ZNF79: variants seen among roughly 807,000 people sequenced by gnomAD.
ZNF79 encodes the protein ZNFpT7.
In ZNF79, 13 loss-of-function variants were observed where a neutral mutation model predicts 14.9. The ratio of observed to expected loss-of-function variants is 0.87; its 90% CI spans 0.57 to 1.38. The LOEUF is 1.38. Among genes scored for constraint, ZNF79 ranks in the 40% most tolerant of loss-of-function variants. ZNF79 has a pLI of 0.00. For synonymous variants in ZNF79, 223 were observed against 235.1 expected (o/e 0.95, Z 0.47); for missense variants, 631 against 630.6 (o/e 1.00, Z -0.01).
intron 2 of ZNF79, among the ~76,000 whole-genome samples, chr9:127,430,820 G>T (rs1042440313): frequency 3.3e-5 from 5 of 152,200 alleles, no homozygotes; most frequent in African/African-American, 1.2e-4. Context: ...TCGAATGGTA[G>T]CTCTGTTTTA....
chr9:127,445,065 C>G lies in ZNF79; in HGVS notation c.1365C>G (p.Asn455Lys). 1 of 1,613,716 alleles carries G rather than the reference C, an allele frequency of 6.2e-7. No homozygotes were observed. The highest frequency in any genetic ancestry group is 8.5e-7 in the Non-Finnish European group (1 of 1,179,926). ...GTAATGAGTGTGGTAAAGCGTTTAACCAGAGCTCATCCCTTAGTCAGCATC... is the reference window on the plus strand; with the variant it reads ...GTAATGAGTGTGGTAAAGCGTTTAAGCAGAGCTCATCCCTTAGTCAGCATC... ...YECNECGKAFNQSSSLSQHQR... is the reference protein window; with the variant it reads ...YECNECGKAFKQSSSLSQHQR... The change falls in exon 5 of 5, where the codon AAC becomes AAG. Residue 455 changes from asparagine to lysine, a missense_variant. Transcript: ENST00000342483.
Position 127,445,075 on chromosome 9 carries a change from T to C in ZNF79, c.1375T>C (p.Ser459Pro). ...ECGKAFNQSS[S>P]LSQHQRIHTG... ...TGGTAAAGCGTTTAACCAGAGCTCA[T>C]CCCTTAGTCAGCATCAGAGAATCCA... The change falls in exon 5 of 5, where the codon TCC becomes CCC. Residue 459 changes from serine (S) to proline (P), a missense_variant. Coordinates refer to ENST00000342483, the MANE Select transcript of ZNF79 (RefSeq NM_007135.3). 6.2e-7 allele frequency: 1 copy of C among 1,607,984 alleles called. No individual in the cohort carries two copies. The highest frequency in any genetic ancestry group is 8.5e-7 in the Non-Finnish European group (1 of 1,178,102).
rs1564238699 is a variant in ZNF79 at position 127,444,128 on chromosome 9, G to C, written c.428G>C (p.Gly143Ala). ...VEMPPGDSDH[G>A]TSDLEKSFNL... is the part of the protein sequence containing the mutation. ...ATGCCCCCTGGGGATTCAGACCACG[G>C]GACCAGTGACCTTGAGAAGAGCTTC... is the stretch of plus-strand genomic sequence containing the variant. Residue 143 changes from glycine to alanine, a missense_variant, in exon 5 of 5, where the codon GGG (glycine) becomes GCG (alanine). By Grantham distance (60) the Gly-to-Ala change is moderately conservative. Coordinates refer to ENST00000342483, the MANE Select transcript of ZNF79 (RefSeq NM_007135.3). 6.2e-7 allele frequency: 1 copy of C among 1,613,232 alleles called. No homozygotes were observed.
chr9:127,433,247 C>A (rs552300150), intron 2 of ZNF79, among the ~76,000 whole-genome samples: 31 of 152,000 alleles, frequency 2.0e-4, no homozygotes, highest in Non-Finnish European at 4.3e-4. Flanking sequence ...TGGAAATAAT[C>A]GGGTGAATGA....
intron 3 of ZNF79, 146 bp from the exon 4 acceptor site, chr9:127,435,762 G>C (rs1192727988): frequency 5.8e-6 from 4 of 688,780 alleles, no homozygotes; most frequent in Middle Eastern, 3.8e-4. Flanking sequence ...ATAGCCCCTG[G>C]TGTAGGCACT....
intron 4 of ZNF79, among the ~76,000 whole-genome samples, chr9:127,442,794 C>T (rs879331926): frequency 4.0e-5 from 6 of 151,054 alleles, no homozygotes; most frequent in African/African-American, 1.2e-4. Flanking sequence ...CCCAGGAGGT[C>T]GAGGCTGCAG....
intron 4 of ZNF79, among the ~76,000 whole-genome samples, chr9:127,439,868 C>CT (rs981580685): frequency 1.3e-5 from 2 of 151,596 alleles, no homozygotes; most frequent in African/African-American, 2.4e-5. Context: ...AACTAATCTA[C>CT]TTTTTTTTTC....
intron 4 of ZNF79, among the ~76,000 whole-genome samples, chr9:127,442,401 CAA>C (rs1176359188): frequency 1.5e-4 from 13 of 86,972 alleles, no homozygotes; most frequent in East Asian, 2.9e-4. Context: ...AACTCCATCT[CAA>C]AAAAAAAAAA....
intron 2 of ZNF79, among the ~76,000 whole-genome samples, chr9:127,429,822 C>CTT (rs34638175): frequency 6.3e-5 from 9 of 141,896 alleles, no homozygotes; most frequent in African/African-American, 7.8e-5. Context: ...TTTCTTTTTC[C>CTT]TTTTTTTTTT....
chr9:127,429,249 C>G (rs1833817085), intron 2 of ZNF79, among the ~76,000 whole-genome samples: 1 of 152,108 alleles, frequency 6.6e-6, no homozygotes, highest in Non-Finnish European at 1.5e-5. Context: ...GTCCTGACCT[C>G]AACTGATCTG....
intron 1 of ZNF79, 45 bp from the exon 2 acceptor site, chr9:127,428,787 T>G (rs1564230890): frequency 6.8e-7 from 1 of 1,480,042 alleles, no homozygotes; most frequent in South Asian, 1.4e-5. Context: ...ACTGGTGACT[T>G]CATAAACTGC....
chr9:127,435,000 T>G, intron 2 of ZNF79, 90 bp from the exon 3 acceptor site: 1 of 1,444,110 alleles, frequency 6.9e-7, no homozygotes. Flanking sequence ...CAAAGACTTT[T>G]CCAGCTCCCC....
intron 2 of ZNF79, among the ~76,000 whole-genome samples, chr9:127,430,807 G>A (rs1242143430): frequency 2.6e-5 from 4 of 152,180 alleles, no homozygotes; most frequent in Non-Finnish European, 5.9e-5. Flanking sequence ...TGGGATTGCC[G>A]GGTCGAATGG....
chr9:127,439,917 C>T (rs1422392800), intron 4 of ZNF79, among the ~76,000 whole-genome samples: 1 of 152,120 alleles, frequency 6.6e-6, no homozygotes, highest in Non-Finnish European at 1.5e-5. Context: ...GGCTGGAGTG[C>T]AGTGGCGCGA....
intron 1 of ZNF79, among the ~76,000 whole-genome samples, chr9:127,428,157 T>G (rs1424202137): frequency 1.3e-5 from 2 of 151,918 alleles, no homozygotes; most frequent in African/African-American, 4.8e-5. Context: ...ATTTTTGTAT[T>G]TTTAATAGAG....
chr9:127,431,379 C>T (rs1431145531), intron 2 of ZNF79, among the ~76,000 whole-genome samples: 2 of 151,956 alleles, frequency 1.3e-5, no homozygotes, highest in Non-Finnish European at 2.9e-5. Flanking sequence ...GTGCCTCAGC[C>T]TCCTGAGTAG....
At chr9:127,424,977 G>A (rs1442398459) in intron 1 of ZNF79, 174 bp downstream of exon 1, 10 of 1,478,774 alleles carry the variant, frequency 6.8e-6, no homozygotes, top group African/African-American at 1.4e-5. Flanking sequence ...CTGAGAACAT[G>A]TGCCCCTACA....
In ZNF79 at chr9:127,444,543, G is replaced by A. The variant is rs771567665; in HGVS notation, c.843G>A (p.Glu281=). The change falls in exon 5 of 5, where the codon GAG becomes GAA. Residue 281 remains glutamate, a synonymous_variant. Transcript: ENST00000342483. The part of the protein sequence containing the change: ...HTGEKPYRCS[E]CEKAFSDCSA... Reference sequence around the variant, plus strand: ...GAGAGAAGCCCTACAGATGCAGCGAGTGTGAGAAAGCCTTCAGTGACTGCT... The same window carrying A: ...GAGAGAAGCCCTACAGATGCAGCGAATGTGAGAAAGCCTTCAGTGACTGCT... 1.9e-6 allele frequency: 3 copies of A among 1,613,926 alleles called. No homozygotes were observed. In the South Asian group the frequency reaches 3.3e-5, roughly 18 times the overall value.
chr9:127,442,253 T>C (rs1834062079), intron 4 of ZNF79, among the ~76,000 whole-genome samples: 1 of 150,790 alleles, frequency 6.6e-6, no homozygotes, highest in Admixed American at 6.6e-5. Context: ...ATACAAAAAT[T>C]AGCCAGGCAT....
Sources: allele counts gnomAD v4.1 joint callset (sites outside exome capture counted in the v4.1 genomes callset), GRCh38; gene constraint gnomAD v4.1.1; transcripts MANE v1.5; gene names NCBI Gene and HGNC (gene_info 2026-07-23, HGNC 2026-07-21).